The following CACNA2D2 variants were observed in gnomAD, a reference collection of about 807,000 sequenced individuals.
CACNA2D2 encodes voltage-dependent calcium channel subunit alpha-2/delta-2.
In CACNA2D2, 48 loss-of-function variants were observed where a neutral mutation model predicts 166.4. The ratio of observed to expected loss-of-function variants is 0.29; its 90% CI spans 0.23 to 0.37. The LOEUF (loss-of-function observed/expected upper bound fraction) is 0.37. CACNA2D2 is among the 10% of genes least tolerant of loss of function. CACNA2D2 has a pLI of 1.00. For synonymous variants in CACNA2D2, 561 were observed against 573.7 expected (o/e 0.98, Z 0.32); for missense variants, 1,122 against 1,433.0 (o/e 0.78, Z 3.50).
chr3:50,387,646 C>T (rs750243840), intron 4 of CACNA2D2, 34 bp from the exon 5 acceptor site: 1 of 1,577,012 alleles, frequency 6.3e-7, no homozygotes. Flanking sequence ...GCACTAGCTG[C>T]TCAGGGTCCC....
intron 2 of CACNA2D2, among the ~76,000 whole-genome samples, chr3:50,448,046 G>A (rs1220891740): frequency 6.6e-6 from 1 of 152,114 alleles, no homozygotes; most frequent in Non-Finnish European, 1.5e-5. Flanking sequence ...CCAGGGCCTT[G>A]AGCCCTCTGA....
At chr3:50,394,247 C>T in intron 3 of CACNA2D2, 79 bp from the exon 4 acceptor site, 1 of 1,184,886 alleles carries the variant, frequency 8.4e-7, no homozygotes, top group South Asian at 1.2e-5. Context: ...TCTCCATCCC[C>T]AGCACTCCCT....
At position 50,376,045 on chromosome 3, in the gene CACNA2D2, C is replaced by T; in HGVS notation, c.1702-11G>A. ...CCGGAAGTTGGTGGTCTGTTGGAGG[C>T]AGGGTGGGAAGTCAGAAGTCCCCAT... is the stretch of plus-strand genomic sequence containing the variant. On this transcript the variant is annotated splice_polypyrimidine_tract_variant and intron_variant, in intron 18 of 37. Transcript: ENST00000424201. The surrounding 1 kb of genome is among the most constrained non-coding windows in gnomAD (Gnocchi z 4.3). 2 of 1,613,304 alleles carry T rather than the reference C, an allele frequency of 1.2e-6. No homozygotes were observed. Among genetic ancestry groups the T allele is most frequent in the Non-Finnish European group, 1.7e-6 (2 of 1,179,990 alleles).
intron 2 of CACNA2D2, among the ~76,000 whole-genome samples, chr3:50,468,829 C>A (rs796820121): frequency 1.5e-5 from 2 of 133,090 alleles, no homozygotes; most frequent in Non-Finnish European, 3.2e-5. Flanking sequence ...CCTTCTCTCT[C>A]TTTTTTTTTT....
At chr3:50,472,483 C>T (rs568959551) in intron 2 of CACNA2D2, among the ~76,000 whole-genome samples, 180 of 152,290 alleles carry the variant, frequency 1.2e-3, no homozygotes, top group African/African-American at 3.3e-3. Flanking sequence ...GCCTCAGCCC[C>T]GACCCCAGGC....
intron 22 of CACNA2D2, 38 bp from the exon 23 acceptor site, chr3:50,370,418 G>A: frequency 2.6e-6 from 3 of 1,151,882 alleles, no homozygotes; most frequent in Non-Finnish European, 3.8e-6. Flanking sequence ...CGGGGGCTGG[G>A]GAGGCTGGAG....
intron 3 of CACNA2D2, among the ~76,000 whole-genome samples, chr3:50,419,010 C>T (rs191121300): frequency 2.0e-4 from 30 of 152,184 alleles, no homozygotes; most frequent in African/African-American, 6.5e-4. Context: ...GATGGAGTTG[C>T]TCAGCCTGCA....
intron 2 of CACNA2D2, among the ~76,000 whole-genome samples, chr3:50,467,115 T>C (rs2236987): frequency 0.29 from 44,687 of 151,980 alleles, 9,432 homozygotes; most frequent in East Asian, 0.67. Flanking sequence ...CTTGCTACCC[T>C]AGCCTGGTGC....
In CACNA2D2 at chr3:50,367,474, T is replaced by G. The variant is rs200460854; in HGVS notation, c.2321A>C (p.Asn774Thr). ...GAAGCTGGCATTGAAGGGCTCAGGG[T>G]TCTCTGTCCAGTCCTCAGCTGCCCT... is the stretch of plus-strand genomic sequence containing the variant. ...PNKAAEDWTE[N>T]PEPFNASFYR... Residue 774 changes from asparagine (N) to threonine (T), a missense_variant, in exon 27 of 38, where the codon AAC (asparagine) becomes ACC (threonine). By Grantham distance (65) the Asn-to-Thr change is moderately conservative. Transcript: ENST00000424201. The surrounding 1 kb of genome is among the most constrained non-coding windows in gnomAD (Gnocchi z 6.5). 5 of 1,613,952 alleles carry G rather than the reference T, an allele frequency of 3.1e-6. No homozygotes were observed. In the East Asian group the frequency reaches 8.9e-5, roughly 29 times the overall value.
At chr3:50,399,849 G>A (rs1289911690) in intron 3 of CACNA2D2, among the ~76,000 whole-genome samples, 2 of 152,114 alleles carry the variant, frequency 1.3e-5, no homozygotes, top group African/African-American at 2.4e-5. Flanking sequence ...CCTTAGAGTG[G>A]TCCCTTTGCC....
Position 50,397,872 on chromosome 3 carries a change from G to C in CACNA2D2, c.406-3704C>G, listed in dbSNP as rs575490978. ...GCCAAGGAGGACATGTCCTGAGGCA[G>C]GGATCTCCAAGCTTAGCCCCACCTA... On this transcript the variant is annotated intron_variant, in intron 3 of 37. Coordinates refer to ENST00000424201, the MANE Select transcript of CACNA2D2 (RefSeq NM_006030.4). Among the ~76,000 whole-genome samples the C allele has an allele frequency of 1.1e-4, 16 of 152,334 alleles. No homozygotes were observed. In the South Asian group the frequency reaches 3.3e-3, roughly 32 times the overall value.
At position 50,364,566 on chromosome 3, in the gene CACNA2D2, G is replaced by C; in HGVS notation, c.*100C>G. On this transcript the variant is annotated 3_prime_UTR_variant, in exon 38 of 38. Coordinates refer to ENST00000424201, the MANE Select transcript of CACNA2D2 (RefSeq NM_006030.4). ...CTGGCCAGCTCAGGTCCTTCAGTGAGGGAGGGACGAGGCTCTAAGGCGGGG... is the reference window on the plus strand; with the variant it reads ...CTGGCCAGCTCAGGTCCTTCAGTGACGGAGGGACGAGGCTCTAAGGCGGGG... 1.5e-6 allele frequency: 2 copies of C among 1,354,460 alleles called. No individual in the cohort carries two copies. The highest frequency in any genetic ancestry group is 1.5e-5 in the South Asian group (1 of 66,304). 83.9% of individuals were successfully genotyped at this position (1,354,460 alleles called of 1,614,324 possible).
At chr3:50,490,932 G>A (rs1255582741) in intron 1 of CACNA2D2, among the ~76,000 whole-genome samples, 1 of 152,228 alleles carries the variant, frequency 6.6e-6, no homozygotes, top group Non-Finnish European at 1.5e-5. Flanking sequence ...TCCAAGCCAA[G>A]CACCGAAGGA....
intron 4 of CACNA2D2, among the ~76,000 whole-genome samples, chr3:50,388,486 G>T (rs1705721196): frequency 6.6e-6 from 1 of 152,238 alleles, no homozygotes; most frequent in Admixed American, 6.5e-5. Context: ...AAAACCTGCA[G>T]CGTGGCCCCA....
At chr3:50,368,684 G>T (rs1451858670) in intron 23 of CACNA2D2, among the ~76,000 whole-genome samples, 1 of 152,232 alleles carries the variant, frequency 6.6e-6, no homozygotes, top group Non-Finnish European at 1.5e-5. Context: ...GTGCCGTTAG[G>T]TAACTCACTC....
chr3:50,487,584 G>A (rs1297822698), intron 1 of CACNA2D2, among the ~76,000 whole-genome samples: 3 of 152,178 alleles, frequency 2.0e-5, no homozygotes, highest in African/African-American at 7.2e-5. Flanking sequence ...GCTCTGTGGT[G>A]ACTCCTTTAG....
intron 3 of CACNA2D2, among the ~76,000 whole-genome samples, chr3:50,418,981 C>T (rs1256604348): frequency 6.6e-6 from 1 of 152,092 alleles, no homozygotes; most frequent in Non-Finnish European, 1.5e-5. Context: ...GTGCTCTGGG[C>T]TGTATCTGGA....
At chr3:50,420,052 G>A (rs942234945) in intron 3 of CACNA2D2, among the ~76,000 whole-genome samples, 2 of 152,280 alleles carry the variant, frequency 1.3e-5, no homozygotes, top group African/African-American at 4.8e-5. Flanking sequence ...TCTGCTCCTT[G>A]CCTGCCGTCT....
chr3:50,414,755 T>C (rs1446867530), intron 3 of CACNA2D2, among the ~76,000 whole-genome samples: 2 of 152,242 alleles, frequency 1.3e-5, no homozygotes, highest in African/African-American at 2.4e-5. Flanking sequence ...CGAGCTCCTA[T>C]GAAATTGCCA....
Sources: allele counts gnomAD v4.1 joint callset (sites outside exome capture counted in the v4.1 genomes callset), GRCh38; gene constraint gnomAD v4.1.1; non-coding constraint Gnocchi (gnomAD v3.1); transcripts MANE v1.5; gene names NCBI Gene and HGNC (gene_info 2026-07-23, HGNC 2026-07-21).